Variants in LGALS8 observed in about 807,000 individuals in gnomAD.
The protein encoded by LGALS8 is galectin-8.
A neutral mutation model predicts 35.9 loss-of-function variants in LGALS8; 30 were observed. The observed-to-expected ratio is 0.83, with a 90% CI of 0.62 to 1.13. The LOEUF (loss-of-function observed/expected upper bound fraction) is 1.13. Ranked by LOEUF, LGALS8 falls within the 50% of genes most tolerant of loss-of-function variation. The probability of loss-of-function intolerance (pLI) is 0.00; values close to 1 mark genes in which losing one functional copy is unlikely to be tolerated. For synonymous variants in LGALS8, 138 were observed against 136.1 expected (o/e 1.01, Z -0.10); for missense variants, 366 against 388.7 (o/e 0.94, Z 0.49).
chr1:236,533,339 C>CCT (rs1553276297), intron 2 of LGALS8, among the ~76,000 whole-genome samples: 2 of 148,982 alleles, frequency 1.3e-5, no homozygotes, highest in South Asian at 2.1e-4. Context: ...CTCCCCCACC[C>CCT]TTTTTTTTTT....
intron 1 of LGALS8, 84 bp downstream of exon 1, chr1:236,524,145 G>A (rs910749503): frequency 2.2e-6 from 1 of 456,528 alleles, no homozygotes; most frequent in Non-Finnish European, 4.4e-6. Context: ...GTGGAGGATG[G>A]CATTCGGATG....
At chr1:236,539,164 A>G (rs1358444766) in intron 4 of LGALS8, 75 bp downstream of exon 4, 4 of 1,199,856 alleles carry the variant, frequency 3.3e-6, no homozygotes, top group Non-Finnish European at 4.9e-6. Context: ...CACATTTGTG[A>G]GCCCAGCCTT....
chr1:236,528,511 G>A (rs1213461695), intron 2 of LGALS8, among the ~76,000 whole-genome samples: 4 of 146,572 alleles, frequency 2.7e-5, no homozygotes, highest in African/African-American at 1.0e-4. Flanking sequence ...TAAACACACC[G>A]CCACTTTTTA....
intron 9 of LGALS8, among the ~76,000 whole-genome samples, chr1:236,547,136 C>A (rs2103110881): frequency 6.6e-6 from 1 of 152,316 alleles, no homozygotes; most frequent in Middle Eastern, 3.4e-3. Flanking sequence ...CTTCTGAAGC[C>A]TTCATGGGGG....
rs1662573808 is a variant in LGALS8, at chr1:236,548,817, T to G, written c.*656T>G. 2 of 397,300 alleles carry G rather than the reference T, an allele frequency of 5.0e-6. No homozygotes were observed. Among genetic ancestry groups the G allele is most frequent in the Admixed American group, 8.8e-5 (2 of 22,692 alleles). The allele number at this position is 397,300 out of a possible 1,614,324, so 24.6% of individuals were successfully genotyped here. A position where few individuals can be genotyped will look rare whatever the true frequency, so the allele number is the denominator to read the frequency against. On this transcript the variant is annotated 3_prime_UTR_variant, in exon 10 of 10. Transcript: ENST00000366584. ...ACATGTGGCTCTATTAGCTGCAAGC[T>G]TTACCAAGTAATTGGCATGACATCT...
chr1:236,546,574 T>C (rs1284217999), intron 9 of LGALS8, among the ~76,000 whole-genome samples: 1 of 152,246 alleles, frequency 6.6e-6, no homozygotes, highest in Non-Finnish European at 1.5e-5. Flanking sequence ...ATCAGATGGT[T>C]GTGAGGGATT....
intron 1 of LGALS8, 82 bp downstream of exon 1, chr1:236,524,143 T>TC (rs1660666024): frequency 2.2e-6 from 1 of 456,426 alleles, no homozygotes; most frequent in African/African-American, 2.0e-5. Context: ...CAGTGGAGGA[T>TC]GGCATTCGGA....
chr1:236,540,708 G>GTC, intron 5 of LGALS8, 25 bp downstream of exon 5: 1 of 1,579,536 alleles, frequency 6.3e-7, no homozygotes, highest in South Asian at 1.2e-5. Flanking sequence ...ACAGCTTGGG[G>GTC]TCTTTTATGA....
rs913681245 is a variant in LGALS8, at chr1:236,533,027, G to C, written c.46-4470G>C. 3.9e-5 allele frequency among the ~76,000 whole-genome samples: 6 copies of C among 152,304 alleles called. No individual in the cohort carries two copies. The South Asian group carries it at 8.3e-4, about 21-fold the overall frequency. On this transcript the variant is annotated intron_variant, in intron 2 of 9. Transcript: ENST00000366584. The stretch of plus-strand genomic sequence containing the variant: ...CACGCCAGGCTTATGGCAGCAGTCA[G>C]TCACCCAGATGACCTCCTGACCTCT...
chr1:236,532,996 T>C (rs1207034888), intron 2 of LGALS8, among the ~76,000 whole-genome samples: 6 of 152,366 alleles, frequency 3.9e-5, no homozygotes, highest in Admixed American at 3.3e-4. Context: ...TGTGTCCTTA[T>C]CGTTTCACGC....
intron 1 of LGALS8, chr1:236,518,368 T>G (rs1571979468): frequency 6.6e-6 from 1 of 151,456 alleles, no homozygotes; most frequent in African/African-American, 2.4e-5. Flanking sequence ...AGTATTGGGG[T>G]GTAGGGGAGA....
At chr1:236,518,396 G>A (rs767047392) in intron 1 of LGALS8, 1 of 152,168 alleles carries the variant, frequency 6.6e-6, no homozygotes, top group African/African-American at 2.4e-5. Context: ...AAAGCAAGAG[G>A]ATTCAAAGGA....
chr1:236,523,088 C>T (rs113873341), upstream of LGALS8: 1 of 152,178 alleles, frequency 6.6e-6, no homozygotes, highest in African/African-American at 2.4e-5. Context: ...GCTGACATGA[C>T]TTTGTTTAAC....
chr1:236,540,380 A>G, intron 4 of LGALS8, 184 bp from the exon 5 acceptor site: 1 of 519,084 alleles, frequency 1.9e-6, no homozygotes, highest in Non-Finnish European at 3.2e-6. Flanking sequence ...GGAACTCAAA[A>G]GAAGTTTGGA....
chr1:236,518,308 AG>A (rs1455384915), intron 1 of LGALS8: 4 of 152,114 alleles, frequency 2.6e-5, no homozygotes, highest in East Asian at 1.9e-4. Flanking sequence ...ATCAGATCAT[AG>A]GGGGTCTGGA....
chr1:236,522,319 CAG>C (rs547116027), upstream of LGALS8, among the ~76,000 whole-genome samples: 46 of 152,260 alleles, frequency 3.0e-4, no homozygotes, highest in Admixed American at 1.5e-3. Context: ...AAGGTTGACT[CAG>C]GGCCCAGCTT....
At position 236,526,553 on chromosome 1, in the gene LGALS8, T is replaced by C. The variant is rs1312311418; in HGVS notation, c.45+438T>C. ...GCTTGGCCCTTGAGCAGGGAAAATGTCAAAAGCCAATGGGGAGATGGAGAG... is the reference window on the plus strand; with the variant it reads ...GCTTGGCCCTTGAGCAGGGAAAATGCCAAAAGCCAATGGGGAGATGGAGAG... On this transcript the variant is annotated intron_variant, in intron 2 of 9. Transcript: ENST00000366584. The surrounding 1 kb of genome is among the most constrained non-coding windows in gnomAD (Gnocchi z 4.6). 1.9e-5 allele frequency: 3 copies of C among 157,370 alleles called. No homozygotes were observed. The East Asian group carries it at 5.5e-4, about 29-fold the overall frequency. 9.7% of individuals were successfully genotyped at this position (157,370 alleles called of 1,614,324 possible).
rs15701 is a variant in LGALS8, at chr1:236,548,023, T to C, written c.816T>C (p.Tyr272=). 1,060,503 of 1,605,098 alleles carry C rather than the reference T, an allele frequency of 0.66. 356,721 individuals carry two copies. Among genetic ancestry groups the C allele is most frequent in the Non-Finnish European group, 0.7 (818,030 of 1,172,578 alleles). The change falls in exon 10 of 10, where the codon TAT becomes TAC. Residue 272 remains tyrosine, a synonymous_variant. Transcript: ENST00000366584. The part of the protein sequence containing the change: ...SPGMYFEMII[Y]CDVREFKVAV... ...TCCTTTCCTTTCAGATGATAATTTATTGTGATGTTAGAGAATTCAAGGTTG... is the reference window on the plus strand; with the variant it reads ...TCCTTTCCTTTCAGATGATAATTTACTGTGATGTTAGAGAATTCAAGGTTG...
intron 2 of LGALS8, among the ~76,000 whole-genome samples, chr1:236,534,680 A>G (rs1661359783): frequency 6.6e-6 from 1 of 152,096 alleles, no homozygotes; most frequent in South Asian, 2.1e-4. Flanking sequence ...CCAGAAAACT[A>G]AAGCAGCAAG....
Sources: allele counts gnomAD v4.1 joint callset (sites outside exome capture counted in the v4.1 genomes callset), GRCh38; gene constraint gnomAD v4.1.1; non-coding constraint Gnocchi (gnomAD v3.1); transcripts MANE v1.5; gene names NCBI Gene and HGNC (gene_info 2026-07-23, HGNC 2026-07-21).